WDR72: variants seen among roughly 807,000 people sequenced by gnomAD.
The protein encoded by WDR72 is WD repeat domain 72.
Under a neutral mutation model 124.2 loss-of-function variants are expected in WDR72, and 120 were observed. The observed-to-expected ratio is 0.97, with a 90% CI of 0.83 to 1.12. WDR72 has a LOEUF of 1.12. Among genes scored for constraint, WDR72 ranks in the 50% most tolerant of loss-of-function variants. The pLI is 0.00. For synonymous variants in WDR72, 452 were observed against 441.7 expected (o/e 1.02, Z -0.29); for missense variants, 1,387 against 1,278.8 (o/e 1.08, Z -1.29).
chr15:53,595,097 T>C (rs780123480), intron 18 of WDR72, among the ~76,000 whole-genome samples: 87 of 152,152 alleles, frequency 5.7e-4, no homozygotes, highest in Non-Finnish European at 1.3e-4. Context: ...TAAAGTATTC[T>C]AAATTTCTTC....
chr15:53,716,608 CA>C lies in WDR72; in HGVS notation c.337del (p.Cys113ValfsTer9). On this transcript the variant is annotated frameshift_variant and splice_region_variant, in exon 4 of 20. Coordinates refer to ENST00000360509, the MANE Select transcript of WDR72 (RefSeq NM_182758.4). LOFTEE classifies it high-confidence loss of function. ...ATLPYRHTAICYYHCSFRMTG... is the reference protein window; with the variant it reads ...ATLPYRHTAIXYYHCSFRMTG... ...CCTGAAGGAAGTGAGTGTACTTACA[CA>C]GATTGCAGTGTGCCTGTAAGGAAGT... The C allele has an allele frequency of 6.2e-7, 1 of 1,602,796 alleles. No homozygotes were observed. The highest frequency in any genetic ancestry group is 8.5e-7 in the Non-Finnish European group (1 of 1,169,658).
chr15:53,650,634 T>C (rs1051181362), intron 14 of WDR72, among the ~76,000 whole-genome samples: 11 of 152,250 alleles, frequency 7.2e-5, no homozygotes, highest in South Asian at 2.1e-4. Context: ...AAAATCTTAT[T>C]CATCCATCAA....
chr15:53,646,464 G>A (rs569468183), intron 14 of WDR72, among the ~76,000 whole-genome samples: 36 of 152,120 alleles, frequency 2.4e-4, no homozygotes, highest in South Asian at 4.1e-4. Flanking sequence ...TTTGAAAAAC[G>A]TTGTAAGACC....
rs1595794133 is a variant in WDR72 at position 53,613,662 on chromosome 15, T to C, written c.2872+4A>G. 1 of 1,602,922 alleles carries C rather than the reference T, an allele frequency of 6.2e-7. No individual in the cohort carries two copies. Among genetic ancestry groups the C allele is most frequent in the Non-Finnish European group, 8.5e-7 (1 of 1,171,480 alleles). On this transcript the variant is annotated splice_donor_region_variant and intron_variant, in intron 16 of 19. Transcript: ENST00000360509. ...GATCATATCTGTGCCAGTAACTCTC[T>C]TACCATTTCGTAAGCAACTGTAGAA...
intron 14 of WDR72, among the ~76,000 whole-genome samples, chr15:53,647,995 CT>C (rs2015103049): frequency 6.6e-6 from 1 of 152,036 alleles, no homozygotes; most frequent in African/African-American, 2.4e-5. Flanking sequence ...ATTTCTCATG[CT>C]TACGTGCATT....
chr15:53,576,843 C>G (rs2011641592), intron 18 of WDR72, among the ~76,000 whole-genome samples: 1 of 152,146 alleles, frequency 6.6e-6, no homozygotes, highest in Non-Finnish European at 1.5e-5. Flanking sequence ...GTTTCTCTTC[C>G]TATCTGCCAT....
Position 53,552,817 on chromosome 15 carries a change from C to T in WDR72, c.3149-29495G>A, listed in dbSNP as rs113197998. Among the ~76,000 whole-genome samples the T allele has an allele frequency of 4.0e-3, 603 of 152,202 alleles. 1 individual carries two copies. The highest frequency in any genetic ancestry group is 0.014 in the African/African-American group (566 of 41,538). On this transcript the variant is annotated intron_variant, in intron 18 of 19. Coordinates refer to ENST00000360509, the MANE Select transcript of WDR72 (RefSeq NM_182758.4). ...GAAGCAAATATTAACCAGTCAACAT[C>T]GAATGCCATTTGATTTCATCCCCTT...
intron 14 of WDR72, among the ~76,000 whole-genome samples, chr15:53,653,439 A>T (rs1388951539): frequency 1.3e-5 from 2 of 152,204 alleles, no homozygotes; most frequent in African/African-American, 2.4e-5. Flanking sequence ...ACTGACATCG[A>T]AGTTAGACTT....
At chr15:53,635,022 A>G (rs990905053) in intron 14 of WDR72, among the ~76,000 whole-genome samples, 1 of 152,254 alleles carries the variant, frequency 6.6e-6, no homozygotes, top group African/African-American at 2.4e-5. Flanking sequence ...TTTTGCAGGT[A>G]TAGAAGCTCT....
At chr15:53,706,346 GTGTGTATATATATATA>G (rs1175124743) in intron 9 of WDR72, among the ~76,000 whole-genome samples, 3,544 of 97,640 alleles carry the variant, frequency 0.036, 65 homozygotes, top group Non-Finnish European at 0.056. Context: ...GTGTGTGTGT[GTGTGTATATATATATA>G]TATATATATA....
intron 14 of WDR72, among the ~76,000 whole-genome samples, chr15:53,631,785 A>G (rs921750000): frequency 7.2e-5 from 11 of 152,122 alleles, no homozygotes; most frequent in African/African-American, 2.7e-4. Flanking sequence ...TGAACTTGAG[A>G]GTGATGATTT....
chr15:53,524,368 T>G (rs182961797), intron 18 of WDR72, among the ~76,000 whole-genome samples: 1 of 152,238 alleles, frequency 6.6e-6, no homozygotes, highest in Non-Finnish European at 1.5e-5. Context: ...ACACATAAGA[T>G]ATGTTTGTTG....
At chr15:53,645,204 C>T (rs1285443228) in intron 14 of WDR72, among the ~76,000 whole-genome samples, 2 of 152,140 alleles carry the variant, frequency 1.3e-5, no homozygotes, top group Non-Finnish European at 2.9e-5. Flanking sequence ...CCTTTATCAT[C>T]TAAGTCTTTC....
chr15:53,634,323 A>G (rs12442975), intron 14 of WDR72, among the ~76,000 whole-genome samples: 37,396 of 152,010 alleles, frequency 0.25, 4,995 homozygotes, highest in East Asian at 0.46. Flanking sequence ...GTTATGGTGA[A>G]ACCAGTGACC....
intron 13 of WDR72, among the ~76,000 whole-genome samples, chr15:53,692,788 C>G (rs1461411): frequency 0.52 from 78,702 of 151,910 alleles, 20,865 homozygotes; most frequent in East Asian, 0.76. Flanking sequence ...AACAAAGATT[C>G]AAAAAATGGT....
At chr15:53,607,249 C>T (rs73408236) in intron 17 of WDR72, among the ~76,000 whole-genome samples, 21,105 of 151,258 alleles carry the variant, frequency 0.14, 2,291 homozygotes, top group African/African-American at 0.3. Flanking sequence ...GAGGTACTCT[C>T]AGAATTAAAA....
rs555010402 is a variant in WDR72, at chr15:53,530,142, T to C, written c.3149-6820A>G. ...TTTCCATGACTTTGGTCTCTGAATA[T>C]TACTGAGTAAATCTCTTCTTTACCA... On this transcript the variant is annotated intron_variant, in intron 18 of 19. Transcript: ENST00000360509. Among the ~76,000 whole-genome samples, 4 of 151,644 alleles carry C rather than the reference T, an allele frequency of 2.6e-5. No homozygotes were observed. The South Asian group carries it at 8.3e-4, about 32-fold the overall frequency.
intron 18 of WDR72, among the ~76,000 whole-genome samples, chr15:53,586,438 C>T (rs965106320): frequency 1.3e-5 from 2 of 152,038 alleles, no homozygotes; most frequent in Admixed American, 1.3e-4. Flanking sequence ...TTACATGAAC[C>T]TATCTGTGTA....
intron 14 of WDR72, among the ~76,000 whole-genome samples, chr15:53,633,889 T>A (rs1331320053): frequency 6.6e-6 from 1 of 152,188 alleles, no homozygotes; most frequent in Non-Finnish European, 1.5e-5. Context: ...ACGCCCAATA[T>A]GAACATATGT....
Sources: allele counts gnomAD v4.1 joint callset (sites outside exome capture counted in the v4.1 genomes callset), GRCh38; gene constraint gnomAD v4.1.1; transcripts MANE v1.5; gene names NCBI Gene and HGNC (gene_info 2026-07-23, HGNC 2026-07-21).